The following VWA5B1 variants were observed in gnomAD, a reference collection of about 807,000 sequenced individuals.
VWA5B1 encodes von Willebrand factor A domain containing 5B1.
VWA5B1 carries 115 observed loss-of-function variants against 118.2 expected under a neutral mutation model. That is an observed-to-expected ratio of 0.97 (90% CI 0.84 to 1.14). The LOEUF (loss-of-function observed/expected upper bound fraction) is 1.14. Among genes scored for constraint, VWA5B1 ranks in the 50% most tolerant of loss-of-function variants. The pLI is 0.00. For missense variants in VWA5B1, 1,596 were observed against 1,603.8 expected, an observed-to-expected ratio of 1.00 and a Z score of 0.08; for synonymous variants, 682 against 658.4, an observed-to-expected ratio of 1.04 and a Z score of -0.55.
At chr1:20,296,202 C>T (rs1434173327) in intron 1 of VWA5B1, among the ~76,000 whole-genome samples, 1 of 152,196 alleles carries the variant, frequency 6.6e-6, no homozygotes, top group Non-Finnish European at 1.5e-5. Context: ...TAATAGAGAA[C>T]ATGAATAGAC....
At chr1:20,299,060 C>T (rs940910417) in intron 1 of VWA5B1, among the ~76,000 whole-genome samples, 3 of 152,160 alleles carry the variant, frequency 2.0e-5, no homozygotes, top group African/African-American at 7.2e-5. Context: ...AAAGATTGCA[C>T]TTACAGGGTT....
chr1:20,323,431 C>G lies in VWA5B1; in HGVS notation c.1042C>G (p.Leu348Val), dbSNP rs1222012573. The change falls in exon 8 of 22, where the codon CTC becomes GTC. Residue 348 changes from leucine to valine, a missense_variant. Transcript: ENST00000289815. The part of the protein sequence containing the change: ...SVIMLNFCPD[L>V]QSVQPCLRKA... ...CATCATGCTCAACTTCTGTCCCGAC[C>G]TCCAGTCAGTCCAGCCGTGCCTGAG... is the stretch of plus-strand genomic sequence containing the variant. The G allele has an allele frequency of 6.5e-7, 1 of 1,538,224 alleles. No homozygotes were observed. Among genetic ancestry groups the G allele is most frequent in the Admixed American group, 2.0e-5 (1 of 48,796 alleles).
chr1:20,343,429 G>A, intron 16 of VWA5B1, 36 bp downstream of exon 16: 1 of 1,476,300 alleles, frequency 6.8e-7, no homozygotes, highest in Non-Finnish European at 9.0e-7. Context: ...CCCGCGGACG[G>A]CCTCCGGAGG....
chr1:20,309,064 G>A (rs2088760740), intron 1 of VWA5B1, among the ~76,000 whole-genome samples: 1 of 152,144 alleles, frequency 6.6e-6, no homozygotes, highest in African/African-American at 2.4e-5. Context: ...ACTTGGGCGA[G>A]GGTCTTGGGA....
Position 20,348,344 on chromosome 1 carries a change from C to A in VWA5B1, c.2864C>A (p.Ser955Ter). The A allele has an allele frequency of 6.4e-7, 1 of 1,551,620 alleles. No individual in the cohort carries two copies. The highest frequency in any genetic ancestry group is 1.2e-5 in the South Asian group (1 of 84,050). The change falls in exon 18 of 22, where the codon TCG becomes TAG. Residue 955 changes from serine to a stop codon, truncating the protein, a stop_gained. Transcript: ENST00000289815. LOFTEE classifies it high-confidence loss of function. Reference protein sequence around the residue: ...GRPQTMLGEDSAPGNDMEASP... With the variant: ...GRPQTMLGED ...CCGCAGACGATGCTTGGAGAAGATT[C>A]GGCACCAGGAAATGGTAAATTTCAG...
intron 1 of VWA5B1, among the ~76,000 whole-genome samples, chr1:20,297,056 A>C (rs1252895371): frequency 6.6e-6 from 1 of 152,218 alleles, no homozygotes; most frequent in Non-Finnish European, 1.5e-5. Flanking sequence ...AGGCACTGGG[A>C]ATACAATTGT....
intron 18 of VWA5B1, 48 bp from the exon 19 acceptor site, chr1:20,350,108 C>G: frequency 1.3e-6 from 2 of 1,518,282 alleles, no homozygotes; most frequent in South Asian, 1.2e-5. Context: ...GGATGGGAGG[C>G]GAGGAAGGGA....
At position 20,312,876 on chromosome 1, in the gene VWA5B1, CG is replaced by C. The variant is rs1173523313; in HGVS notation, c.182del (p.Gly61AlafsTer11). The C allele has an allele frequency of 1.3e-5, 20 of 1,551,620 alleles. No homozygotes were observed. In the Admixed American group the frequency reaches 1.6e-4, roughly 12 times the overall value. ...YPLDECTTVI[G>X]FEAVIADRVV... ...CCCTGGATGAGTGCACCACGGTGAT[CG>C]GCTTTGAGGCAGTCATTGCCGACCG... On this transcript the variant is annotated frameshift_variant, in exon 3 of 22. Transcript: ENST00000289815. LOFTEE classifies it high-confidence loss of function.
At chr1:20,320,791 C>A (rs1433819097) in intron 7 of VWA5B1, among the ~76,000 whole-genome samples, 2 of 152,188 alleles carry the variant, frequency 1.3e-5, no homozygotes, top group African/African-American at 4.8e-5. Context: ...AGCCAGGGCA[C>A]CAACCCAGTC....
chr1:20,320,295 C>G (rs1282581675), intron 7 of VWA5B1, among the ~76,000 whole-genome samples: 1 of 152,208 alleles, frequency 6.6e-6, no homozygotes, highest in African/African-American at 2.4e-5. Flanking sequence ...GGGATGAGAA[C>G]GGATTCTGTG....
In VWA5B1 at chr1:20,357,266, C is replaced by T. The variant is rs2090246542; in HGVS notation, c.*3003C>T. ...CAAATTACTTGCTTTCTCTGAACCCCTGTTTCATCTTTTGTGGAATGACGG... is the reference window on the plus strand; with the variant it reads ...CAAATTACTTGCTTTCTCTGAACCCTTGTTTCATCTTTTGTGGAATGACGG... On this transcript the variant is annotated 3_prime_UTR_variant, in exon 22 of 22. Coordinates refer to ENST00000289815, the MANE Select transcript of VWA5B1 (RefSeq NM_001039500.3). 6.6e-6 allele frequency among the ~76,000 whole-genome samples: 1 copy of T among 152,092 alleles called. No homozygotes were observed.
At chr1:20,326,440 A>C (rs1260466204) in intron 8 of VWA5B1, among the ~76,000 whole-genome samples, 1 of 152,074 alleles carries the variant, frequency 6.6e-6, no homozygotes, top group Non-Finnish European at 1.5e-5. Context: ...ACATGAATAA[A>C]AATCTCAGAA....
At position 20,328,843 on chromosome 1, in the gene VWA5B1, A is replaced by T. The variant is rs145465250; in HGVS notation, c.1254+843A>T. 2.2e-3 allele frequency among the ~76,000 whole-genome samples: 330 copies of T among 152,340 alleles called. 2 individuals carry two copies. The highest frequency in any genetic ancestry group is 7.0e-3 in the African/African-American group (291 of 41,586). On this transcript the variant is annotated intron_variant, in intron 9 of 21. Transcript: ENST00000289815. Reference sequence around the variant, plus strand: ...AATTTTTTTTAAAAAATCTCCTGTGATTATGTCAGTCAGGATAAAAGGAAG... The same window carrying T: ...AATTTTTTTTAAAAAATCTCCTGTGTTTATGTCAGTCAGGATAAAAGGAAG...
chr1:20,343,538 C>G, intron 16 of VWA5B1, 145 bp downstream of exon 16: 2 of 1,361,820 alleles, frequency 1.5e-6, no homozygotes, highest in South Asian at 3.1e-5. Flanking sequence ...TCCTACCCCA[C>G]CCCCTCCTCA....
intron 21 of VWA5B1, among the ~76,000 whole-genome samples, chr1:20,352,603 C>A (rs186725149): frequency 1.3e-5 from 2 of 152,184 alleles, no homozygotes; most frequent in Non-Finnish European, 2.9e-5. Flanking sequence ...TCTGCAGACA[C>A]CTCAGCATGC....
chr1:20,315,856 G>A (rs2088989940), intron 4 of VWA5B1, among the ~76,000 whole-genome samples: 1 of 152,240 alleles, frequency 6.6e-6, no homozygotes, highest in African/African-American at 2.4e-5. Context: ...AGACCAAAGA[G>A]CGCCAGCCTG....
chr1:20,350,260 T>C (rs140388145), intron 19 of VWA5B1, 30 bp downstream of exon 19: 1 of 1,550,106 alleles, frequency 6.5e-7, no homozygotes, highest in African/African-American at 1.4e-5. Context: ...TGCCTCTTCA[T>C]CAAGATGGTG....
At chr1:20,343,421 C>A in intron 16 of VWA5B1, 28 bp downstream of exon 16, 1 of 1,480,318 alleles carries the variant, frequency 6.8e-7, no homozygotes, top group Non-Finnish European at 9.0e-7. Context: ...GCGCCCCTCC[C>A]GCGGACGGCC....
chr1:20,319,122 A>T (rs1314938769), intron 6 of VWA5B1, among the ~76,000 whole-genome samples: 1 of 152,188 alleles, frequency 6.6e-6, no homozygotes, highest in African/African-American at 2.4e-5. Context: ...GAGTCATTTA[A>T]CCCCATCCTA....
Sources: gnomAD v4.1 joint callset for allele counts (sites outside exome capture counted in the v4.1 genomes callset) on GRCh38, gnomAD v4.1.1 for gene constraint, MANE v1.5 for transcripts, NCBI Gene and HGNC (gene_info 2026-07-23, HGNC 2026-07-21) for gene names.